PPP1CC: variants seen among roughly 807,000 people sequenced by gnomAD.
PPP1CC encodes protein phosphatase 1 catalytic subunit gamma.
PPP1CC carries 16 observed loss-of-function variants against 38.4 expected under a neutral mutation model. That is an observed-to-expected ratio of 0.42 (90% CI 0.28 to 0.63). PPP1CC has a LOEUF of 0.63. Ranked by LOEUF, PPP1CC falls within the 30% of genes least tolerant of loss-of-function variation. The pLI is 0.25. For synonymous variants in PPP1CC, 158 were observed against 136.0 expected, an observed-to-expected ratio of 1.16 and a Z score of -1.13; for missense variants, 170 against 391.3, an observed-to-expected ratio of 0.43 and a Z score of 4.77.
chr12:110,724,631 C>A, intron 4 of PPP1CC, 29 bp downstream of exon 4: 1 of 1,375,162 alleles, frequency 7.3e-7, no homozygotes, highest in South Asian at 1.2e-5. Context: ...GGATCAAAAC[C>A]TATTTGGAAC....
In PPP1CC at chr12:110,742,860, C is replaced by A. The variant is rs919133779; in HGVS notation, c.-153G>T. The A allele has an allele frequency of 3.0e-5, 14 of 465,866 alleles. No homozygotes were observed. Among genetic ancestry groups the A allele is most frequent in the Admixed American group, 4.4e-5 (1 of 22,650 alleles). 28.9% of individuals were successfully genotyped at this position (465,866 alleles called of 1,614,324 possible). On this transcript the variant is annotated 5_prime_UTR_variant, in exon 1 of 7. Coordinates refer to ENST00000335007, the MANE Select transcript of PPP1CC (RefSeq NM_002710.4). ...CCCCCTGCCACCCCGCTCCCTACTTCCTCCTTCTCTCCCCACTGGAACCAC... is the reference window on the plus strand; with the variant it reads ...CCCCCTGCCACCCCGCTCCCTACTTACTCCTTCTCTCCCCACTGGAACCAC...
the PPP1CC span, among the ~76,000 whole-genome samples, chr12:110,714,135 A>G: frequency 6.6e-6 from 1 of 152,080 alleles, no homozygotes; most frequent in Non-Finnish European, 1.5e-5. Context: ...TCATTCTAGC[A>G]AGATTATATT....
intron 1 of PPP1CC, 26 bp from the exon 2 acceptor site, chr12:110,731,927 C>T (rs1301572266): frequency 6.2e-7 from 1 of 1,605,588 alleles, no homozygotes; most frequent in Non-Finnish European, 8.5e-7. Flanking sequence ...CGCAATTAGT[C>T]CAATGAAGCC....
Position 110,722,082 on chromosome 12 carries a change from A to G in PPP1CC, c.882+53T>C. On this transcript the variant is annotated intron_variant, in intron 6 of 6. Coordinates refer to ENST00000335007, the MANE Select transcript of PPP1CC (RefSeq NM_002710.4). This position sits in a 1 kb window ranked among gnomAD's most constrained non-coding sequence, Gnocchi z 5.4. ...CAAAAAGTAGCAATTATATTTTTCAATCAGCAAAGTGTAAACATATTAAAA... is the reference window on the plus strand; with the variant it reads ...CAAAAAGTAGCAATTATATTTTTCAGTCAGCAAAGTGTAAACATATTAAAA... The G allele has an allele frequency of 6.2e-7, 1 of 1,601,184 alleles. No homozygotes were observed.
intron 1 of PPP1CC, among the ~76,000 whole-genome samples, chr12:110,737,477 C>CAAAAAAAAAAAA (rs71083137): frequency 2.6e-3 from 112 of 42,444 alleles, no homozygotes; most frequent in East Asian, 4.5e-3. Context: ...AAGAAAGACT[C>CAAAAAAAAAAAA]AAAAAAAAAA....
the PPP1CC span, among the ~76,000 whole-genome samples, chr12:110,712,498 C>T: frequency 1.3e-5 from 2 of 150,206 alleles, no homozygotes; most frequent in South Asian, 2.1e-4. Flanking sequence ...AAATTAGCCA[C>T]GTGTGGTGGT....
At chr12:110,714,934 G>T (rs1186939845), downstream of PPP1CC, among the ~76,000 whole-genome samples, 1 of 151,526 alleles carries the variant, frequency 6.6e-6, no homozygotes, top group Non-Finnish European at 1.5e-5. Context: ...CCCATCAGAT[G>T]GTAAAAATCT....
At chr12:110,739,274 C>G (rs1417870192) in intron 1 of PPP1CC, among the ~76,000 whole-genome samples, 2 of 151,922 alleles carry the variant, frequency 1.3e-5, no homozygotes, top group Non-Finnish European at 2.9e-5. Context: ...CACCACTGCA[C>G]TCCAGCCTGG....
chr12:110,728,409 A>AAAAAC (rs2069833374), intron 3 of PPP1CC, among the ~76,000 whole-genome samples: 1 of 139,750 alleles, frequency 7.2e-6, no homozygotes, highest in Non-Finnish European at 1.5e-5. Context: ...AAAAAAAAAA[A>AAAAAC]AAAAACAAAA....
chr12:110,733,026 T>TA (rs1314950722), intron 1 of PPP1CC: 1 of 152,188 alleles, frequency 6.6e-6, no homozygotes, highest in African/African-American at 2.4e-5. Flanking sequence ...ATAGTAATAA[T>TA]AGTCTTCGAG....
chr12:110,723,167 T>A (rs941001737), intron 4 of PPP1CC, among the ~76,000 whole-genome samples: 8 of 152,198 alleles, frequency 5.3e-5, no homozygotes, highest in African/African-American at 1.9e-4. Flanking sequence ...CAATATGGGA[T>A]GCATATTGTA....
chr12:110,710,821 C>G, the PPP1CC span, among the ~76,000 whole-genome samples: 1 of 151,058 alleles, frequency 6.6e-6, no homozygotes, highest in East Asian at 1.9e-4. Context: ...CACTTGAGCT[C>G]AGAAATTCAA....
Position 110,730,954 on chromosome 12 carries a change from T to G in PPP1CC, c.188-195A>C, listed in dbSNP as rs114415707. Reference sequence around the variant, plus strand: ...TTAGTTCAACTGAGCTTAACAAAAATTTTAAGTATATGTGTATGTCCAGAA... The same window carrying G: ...TTAGTTCAACTGAGCTTAACAAAAAGTTTAAGTATATGTGTATGTCCAGAA... On this transcript the variant is annotated intron_variant, in intron 2 of 6. Transcript: ENST00000335007. 8.9e-3 allele frequency among the ~76,000 whole-genome samples: 1,357 copies of G among 152,296 alleles called. 20 individuals are homozygous for G. Among genetic ancestry groups the G allele is most frequent in the African/African-American group, 0.031 (1,287 of 41,562 alleles).
At chr12:110,729,902 T>C (rs774551984) in intron 3 of PPP1CC, among the ~76,000 whole-genome samples, 9 of 152,260 alleles carry the variant, frequency 5.9e-5, no homozygotes, top group Admixed American at 1.3e-4. Context: ...CTATTTGGAA[T>C]GGTTCTCAGA....
downstream of PPP1CC, among the ~76,000 whole-genome samples, chr12:110,719,106 T>G (rs142867425): frequency 6.6e-6 from 1 of 152,336 alleles, no homozygotes; most frequent in Non-Finnish European, 1.5e-5. Flanking sequence ...CATAAAGATG[T>G]GCAGAATTTG....
chr12:110,734,768 A>C (rs1180899049), intron 1 of PPP1CC: 1 of 153,612 alleles, frequency 6.5e-6, no homozygotes, highest in Non-Finnish European at 1.5e-5. Flanking sequence ...AATTACTCTT[A>C]AATTTCACGT....
intron 1 of PPP1CC, among the ~76,000 whole-genome samples, chr12:110,741,931 C>G (rs2070021159): frequency 6.6e-6 from 1 of 152,160 alleles, no homozygotes. Flanking sequence ...TTCATGGACG[C>G]AAAGTGCTTA....
In PPP1CC at chr12:110,732,121, T is replaced by G; in HGVS notation, c.56-220A>C. On this transcript the variant is annotated intron_variant, in intron 1 of 6. Transcript: ENST00000335007. ...ACCAAGTAAGACTTCTTTTATAGTA[T>G]TCCAAAAAAGGAGCCATCCTGTCTG... 1.4e-5 allele frequency: 8 copies of G among 583,192 alleles called. No homozygotes were observed. The South Asian group carries it at 1.9e-4, about 14-fold the overall frequency. The allele number at this position is 583,192 out of a possible 1,614,324, so 36.1% of individuals were successfully genotyped here.
intron 3 of PPP1CC, among the ~76,000 whole-genome samples, chr12:110,730,222 G>A (rs2069856340): frequency 6.6e-6 from 1 of 152,212 alleles, no homozygotes; most frequent in Non-Finnish European, 1.5e-5. Context: ...AGCCAAGCGT[G>A]GTGATGCATG....
Sources: allele counts gnomAD v4.1 joint callset (sites outside exome capture counted in the v4.1 genomes callset), GRCh38; gene constraint gnomAD v4.1.1; non-coding constraint Gnocchi (gnomAD v3.1); transcripts MANE v1.5; gene names NCBI Gene and HGNC (gene_info 2026-07-23, HGNC 2026-07-21).